ZNF565: variants seen among roughly 807,000 people sequenced by gnomAD.
ZNF565 encodes the protein zinc finger protein 565.
Under a neutral mutation model 39.4 loss-of-function variants are expected in ZNF565, and 27 were observed. That is an observed-to-expected ratio of 0.69 (90% CI 0.51 to 0.95). The LOEUF (loss-of-function observed/expected upper bound fraction) is 0.95. Among genes scored for constraint, ZNF565 ranks in the 40% least tolerant of loss-of-function variants. The pLI is 0.00. For missense variants in ZNF565, 524 were observed against 621.1 expected (o/e 0.84, Z 1.66); for synonymous variants, 185 against 216.6 (o/e 0.85, Z 1.28).
intron 1 of ZNF565, among the ~76,000 whole-genome samples, chr19:36,230,598 C>A (rs537916795): frequency 1.3e-5 from 2 of 152,104 alleles, no homozygotes; most frequent in African/African-American, 4.8e-5. Context: ...AGATCATTAG[C>A]CAGAAGGAAC....
intron 1 of ZNF565, among the ~76,000 whole-genome samples, chr19:36,242,288 T>A (rs1977813944): frequency 6.6e-6 from 1 of 151,974 alleles, no homozygotes; most frequent in African/African-American, 2.4e-5. Flanking sequence ...TGCATGCCTG[T>A]AGTCTCAGCT....
intron 1 of ZNF565, among the ~76,000 whole-genome samples, chr19:36,241,624 C>A (rs1188072946): frequency 2.6e-5 from 4 of 151,474 alleles, no homozygotes. Flanking sequence ...GAAACCCTGT[C>A]TACTAAAAAT....
rs979193938 is a variant in ZNF565 at position 36,183,807 on chromosome 19, C to T, written c.233-74G>A. Reference sequence around the variant, plus strand: ...GAAATAAAAAATTCTATAGTAGAGGCCAGGCACGGTGGCTCACATCTGTAA... The same window carrying T: ...GAAATAAAAAATTCTATAGTAGAGGTCAGGCACGGTGGCTCACATCTGTAA... On this transcript the variant is annotated intron_variant, in intron 4 of 4. Transcript: ENST00000304116. 3.7e-6 allele frequency: 5 copies of T among 1,369,488 alleles called. No individual in the cohort carries two copies. The Admixed American group carries it at 1.1e-4, about 31-fold the overall frequency. The allele number at this position is 1,369,488 out of a possible 1,614,324, so 84.8% of individuals were successfully genotyped here.
chr19:36,238,472 C>G (rs181826440), intron 1 of ZNF565: 1 of 167,076 alleles, frequency 6.0e-6, no homozygotes, highest in African/African-American at 2.4e-5. Flanking sequence ...ACTTCTCTTT[C>G]AAAAGACTTC....
intron 4 of ZNF565, among the ~76,000 whole-genome samples, chr19:36,188,280 G>A (rs1454492652): frequency 6.6e-6 from 1 of 151,726 alleles, no homozygotes; most frequent in African/African-American, 2.4e-5. Flanking sequence ...ACTTGAACCT[G>A]GGAGGCGGAG....
intron 1 of ZNF565, chr19:36,212,923 G>A (rs1454166326): frequency 6.6e-6 from 1 of 152,192 alleles, no homozygotes. Flanking sequence ...AATAAAACCT[G>A]ATGTACTTGA....
chr19:36,216,514 C>T (rs1222272065), upstream of ZNF565, among the ~76,000 whole-genome samples: 2 of 138,636 alleles, frequency 1.4e-5, no homozygotes, highest in East Asian at 2.2e-4. Flanking sequence ...AAAAATTAGC[C>T]GGGCGTGGTG....
intron 1 of ZNF565, chr19:36,237,002 G>T: frequency 6.2e-7 from 1 of 1,614,186 alleles, no homozygotes; most frequent in South Asian, 1.1e-5. Context: ...TGAATGTAAC[G>T]AATGTGGAAA....
intron 4 of ZNF565, 124 bp from the exon 5 acceptor site, chr19:36,183,857 C>T (rs1036005584): frequency 9.6e-5 from 78 of 813,516 alleles, no homozygotes; most frequent in African/African-American, 4.3e-4. Flanking sequence ...GAGGCTGAGG[C>T]GGGTGGATCA....
At chr19:36,236,543 G>A (rs1467243365) in intron 1 of ZNF565, 2 of 1,614,178 alleles carry the variant, frequency 1.2e-6, no homozygotes, top group South Asian at 2.2e-5. Flanking sequence ...CACTGAGCAT[G>A]AGCATTTTCA....
chr19:36,236,716 A>G (rs1977657589), intron 1 of ZNF565: 1 of 1,614,212 alleles, frequency 6.2e-7, no homozygotes, highest in African/African-American at 1.3e-5. Context: ...CGCACCAGAA[A>G]ATTCACACTG....
chr19:36,238,371 A>G (rs1310452293), intron 1 of ZNF565: 12 of 167,116 alleles, frequency 7.2e-5, no homozygotes. Context: ...GATAGTGGTC[A>G]CCTGTGAAGA....
intron 1 of ZNF565, among the ~76,000 whole-genome samples, chr19:36,235,207 CAA>C (rs112972407): frequency 4.9e-5 from 6 of 121,546 alleles, no homozygotes; most frequent in African/African-American, 3.3e-5. Context: ...AATTCCGTCT[CAA>C]AAAAAAAAAA....
chr19:36,236,979 G>C (rs1216863476), intron 1 of ZNF565: 1 of 1,614,194 alleles, frequency 6.2e-7, no homozygotes, highest in Non-Finnish European at 8.5e-7. Flanking sequence ...ATTCACACTG[G>C]AGAGAAACCC....
chr19:36,200,834 G>C (rs1975935767), intron 2 of ZNF565, among the ~76,000 whole-genome samples: 1 of 151,810 alleles, frequency 6.6e-6, no homozygotes, highest in South Asian at 2.1e-4. Flanking sequence ...GCCCAAGCCG[G>C]AGTGCAGTGG....
chr19:36,208,663 A>G (rs1050781784), intron 1 of ZNF565, among the ~76,000 whole-genome samples: 4 of 152,134 alleles, frequency 2.6e-5, no homozygotes, highest in Non-Finnish European at 5.9e-5. Flanking sequence ...GACATTCTTT[A>G]GGGCCTGGGA....
chr19:36,186,325 C>T (rs1975298275), intron 4 of ZNF565, among the ~76,000 whole-genome samples: 1 of 152,150 alleles, frequency 6.6e-6, no homozygotes, highest in Non-Finnish European at 1.5e-5. Flanking sequence ...AGAAAGCTCT[C>T]AGCCTGACAG....
chr19:36,230,424 A>G (rs1977277995), intron 1 of ZNF565, among the ~76,000 whole-genome samples: 1 of 152,218 alleles, frequency 6.6e-6, no homozygotes, highest in Non-Finnish European at 1.5e-5. Flanking sequence ...ATACTATCAG[A>G]TAGTGATAAG....
At chr19:36,223,609 C>T (rs1055746201) in intron 1 of ZNF565, among the ~76,000 whole-genome samples, 20 of 151,970 alleles carry the variant, frequency 1.3e-4, no homozygotes, top group African/African-American at 4.1e-4. Flanking sequence ...GTGATCCGCC[C>T]GCCTCGGCCC....
Sources: gnomAD v4.1 joint callset for allele counts (sites outside exome capture counted in the v4.1 genomes callset) on GRCh38, gnomAD v4.1.1 for gene constraint, MANE v1.5 for transcripts, NCBI Gene and HGNC (gene_info 2026-07-23, HGNC 2026-07-21) for gene names.